NEMP2: variants seen among roughly 807,000 people sequenced by gnomAD.
NEMP2 encodes the protein UPF0571 transmembrane protein.
A neutral mutation model predicts 54.2 loss-of-function variants in NEMP2; 53 were observed. The ratio of observed to expected loss-of-function variants is 0.98; its 90% CI spans 0.78 to 1.23. The LOEUF (loss-of-function observed/expected upper bound fraction) is 1.23. Ranked by LOEUF, NEMP2 falls within the 50% of genes most tolerant of loss-of-function variation. NEMP2 has a pLI of 0.00. For missense variants in NEMP2, 455 were observed against 511.3 expected, an observed-to-expected ratio of 0.89 and a Z score of 1.06; for synonymous variants, 197 against 190.3, an observed-to-expected ratio of 1.04 and a Z score of -0.29.
the NEMP2 span, among the ~76,000 whole-genome samples, chr2:190,450,682 G>A: frequency 1.3e-5 from 2 of 151,604 alleles, no homozygotes; most frequent in Non-Finnish European, 2.9e-5. Flanking sequence ...TTGTAGAGAC[G>A]AGGTTTTGTC....
At chr2:190,639,649 GTTTTTTGTT>G in the NEMP2 span, among the ~76,000 whole-genome samples, 2 of 128,124 alleles carry the variant, frequency 1.6e-5, no homozygotes, top group Non-Finnish European at 3.4e-5. Context: ...TTTTTTTTTT[GTTTTTTGTT>G]TTTGTTTTTT....
chr2:190,579,075 C>A, the NEMP2 span, among the ~76,000 whole-genome samples: 2 of 151,804 alleles, frequency 1.3e-5, no homozygotes, highest in Admixed American at 6.6e-5. Context: ...GTTTGGCAGA[C>A]AGTCTAGTGA....
the NEMP2 span, among the ~76,000 whole-genome samples, chr2:190,458,392 G>A: frequency 6.6e-6 from 1 of 152,312 alleles, no homozygotes; most frequent in South Asian, 2.1e-4. This position sits in a 1 kb window ranked among gnomAD's most constrained non-coding sequence, Gnocchi z 5.3. Flanking sequence ...GACACAGGGA[G>A]AGGATGACTT....
the NEMP2 span, among the ~76,000 whole-genome samples, chr2:190,618,397 T>G: frequency 2.6e-5 from 4 of 152,286 alleles, no homozygotes; most frequent in East Asian, 7.7e-4. Context: ...TGACACTTTA[T>G]GAGAAACACC....
the NEMP2 span, chr2:190,435,950 A>T: frequency 6.7e-7 from 1 of 1,495,282 alleles, no homozygotes; most frequent in Non-Finnish European, 9.0e-7. Flanking sequence ...TTCATTACTA[A>T]GCCATCTTTT....
chr2:190,519,157 G>C lies in NEMP2; in HGVS notation c.240C>G (p.Phe80Leu). The stretch of plus-strand genomic sequence containing the variant: ...GTCTTTCTGCGATATATACAATTCT[G>C]AACAGGCCTGGACTGGTAATTTTCA... ...MQVKITSPGL[F>L]RIVYIAERHN... is the part of the protein sequence containing the mutation. Residue 80 changes from phenylalanine to leucine, a missense_variant, in exon 3 of 9, where the codon TTC becomes TTG. Physicochemically the swap from Phe to Leu is conservative, Grantham distance 22. Coordinates refer to ENST00000409150, the MANE Select transcript of NEMP2 (RefSeq NM_001142645.2). This position sits in a 1 kb window ranked among gnomAD's most constrained non-coding sequence, Gnocchi z 5.4. The C allele has an allele frequency of 2.6e-6, 4 of 1,549,242 alleles. No individual in the cohort carries two copies. The highest frequency in any genetic ancestry group is 3.5e-6 in the Non-Finnish European group (4 of 1,146,744).
chr2:190,449,487 T>A, the NEMP2 span, among the ~76,000 whole-genome samples: 1 of 151,940 alleles, frequency 6.6e-6, no homozygotes, highest in Non-Finnish European at 1.5e-5. Flanking sequence ...AAAAAAAAAT[T>A]AATATCAAAC....
the NEMP2 span, among the ~76,000 whole-genome samples, chr2:190,586,983 T>G: frequency 1.3e-5 from 2 of 151,942 alleles, no homozygotes; most frequent in African/African-American, 4.9e-5. This position sits in a 1 kb window ranked among gnomAD's most constrained non-coding sequence, Gnocchi z 4.5. Context: ...GTTGAAAATT[T>G]ATTTATGTAA....
the NEMP2 span, among the ~76,000 whole-genome samples, chr2:190,545,788 C>A: frequency 6.6e-6 from 1 of 152,166 alleles, no homozygotes; most frequent in African/African-American, 2.4e-5. Flanking sequence ...TTCCCTCTCC[C>A]TCTCTTTCTT....
chr2:190,436,778 T>G, the NEMP2 span: 5 of 1,614,136 alleles, frequency 3.1e-6, no homozygotes, highest in Non-Finnish European at 4.2e-6. This position sits in a 1 kb window ranked among gnomAD's most constrained non-coding sequence, Gnocchi z 5.3. Context: ...GCAACCCCTG[T>G]CTCCCCAGGA....
the NEMP2 span, among the ~76,000 whole-genome samples, chr2:190,624,291 A>G: frequency 1.3e-5 from 2 of 152,244 alleles, no homozygotes; most frequent in Non-Finnish European, 1.5e-5. Flanking sequence ...TCAAAAAGAC[A>G]AAAACAACAG....
At chr2:190,500,113 C>A, downstream of NEMP2, 2 of 1,614,200 alleles carry the variant, frequency 1.2e-6, no homozygotes, top group Non-Finnish European at 1.7e-6. The surrounding 1 kb of genome is among the most constrained non-coding windows in gnomAD (Gnocchi z 5.3). Context: ...CATCCCCTGA[C>A]GCAGCAGCAT....
At chr2:190,452,008 C>T in the NEMP2 span, among the ~76,000 whole-genome samples, 4 of 151,890 alleles carry the variant, frequency 2.6e-5, no homozygotes, top group Admixed American at 2.6e-4. Flanking sequence ...TTTTTTGAGT[C>T]ATCAGCTGAT....
At chr2:190,500,131 G>A (rs745489913), downstream of NEMP2, 48 of 1,613,976 alleles carry the variant, frequency 3.0e-5, no homozygotes, top group South Asian at 3.7e-4. The surrounding 1 kb of genome is among the most constrained non-coding windows in gnomAD (Gnocchi z 5.3). Context: ...CATCTCAGAC[G>A]CAGACCAGCC....
At chr2:190,428,757 C>G in the NEMP2 span, among the ~76,000 whole-genome samples, 2 of 152,032 alleles carry the variant, frequency 1.3e-5, no homozygotes, top group Non-Finnish European at 2.9e-5. Context: ...CACTGCAACC[C>G]TGCTTCCTGG....
the NEMP2 span, among the ~76,000 whole-genome samples, chr2:190,455,120 A>G: frequency 1.3e-5 from 2 of 152,224 alleles, no homozygotes; most frequent in East Asian, 3.9e-4. Context: ...ACTTTAGCCC[A>G]GGTTGTCTAG....
At chr2:190,602,474 A>G in the NEMP2 span, among the ~76,000 whole-genome samples, 1 of 152,160 alleles carries the variant, frequency 6.6e-6, no homozygotes, top group Non-Finnish European at 1.5e-5. Flanking sequence ...TGTTAATCAC[A>G]TCTTTTAAAA....
chr2:190,613,957 G>A, the NEMP2 span, among the ~76,000 whole-genome samples: 1 of 122,388 alleles, frequency 8.2e-6, no homozygotes, highest in Admixed American at 8.1e-5. Flanking sequence ...ATATAAACTT[G>A]AGAAAGCATT....
chr2:190,487,629 GC>G, the NEMP2 span, among the ~76,000 whole-genome samples: 1 of 152,160 alleles, frequency 6.6e-6, no homozygotes, highest in Admixed American at 6.5e-5. This position sits in a 1 kb window ranked among gnomAD's most constrained non-coding sequence, Gnocchi z 5.5. Flanking sequence ...GATATAGATG[GC>G]CAATAAACAC....
Sources: gnomAD v4.1 joint callset for allele counts (sites outside exome capture counted in the v4.1 genomes callset) on GRCh38, gnomAD v4.1.1 for gene constraint, Gnocchi (gnomAD v3.1) non-coding constraint, MANE v1.5 for transcripts, NCBI Gene and HGNC (gene_info 2026-07-23, HGNC 2026-07-21) for gene names.